NAV2: variants seen among roughly 807,000 people sequenced by gnomAD.
The protein encoded by NAV2 is neuron navigator 2.
A neutral mutation model predicts 223.2 loss-of-function variants in NAV2; 54 were observed. The observed-to-expected ratio is 0.24, with a 90% CI of 0.19 to 0.30. NAV2 has a LOEUF of 0.30. NAV2 is among the 10% of genes least tolerant of loss of function. The pLI, the probability that NAV2 is intolerant of heterozygous loss-of-function variation, is 1.00. For missense variants in NAV2, 2,806 were observed against 3,147.5 expected (o/e 0.89, Z 2.60); for synonymous variants, 1,279 against 1,239.3 (o/e 1.03, Z -0.67).
chr11:19,870,392 C>T (rs1227836279), intron 4 of NAV2, among the ~76,000 whole-genome samples: 2 of 152,122 alleles, frequency 1.3e-5, no homozygotes, highest in East Asian at 3.9e-4. Context: ...TGCTTGAACT[C>T]CTGGGACAGG....
intron 11 of NAV2, chr11:20,027,546 G>C: frequency 1.2e-6 from 1 of 839,806 alleles, no homozygotes; most frequent in Non-Finnish European, 1.4e-6. Context: ...AGGGGCGGGG[G>C]CTGGCCCAGA....
intron 1 of NAV2, among the ~76,000 whole-genome samples, chr11:19,570,011 A>G (rs1040481470): frequency 2.0e-5 from 3 of 152,202 alleles, no homozygotes; most frequent in African/African-American, 7.2e-5. Context: ...TACTCCTTGT[A>G]GCTATCAGGG....
intron 10 of NAV2, among the ~76,000 whole-genome samples, chr11:19,965,776 T>C (rs1461158752): frequency 6.6e-6 from 1 of 152,256 alleles, no homozygotes; most frequent in African/African-American, 2.4e-5. Flanking sequence ...CATTTCATTA[T>C]GTTCATGGGG....
At chr11:19,507,239 T>C (rs1182518745) in intron 1 of NAV2, 1 of 152,232 alleles carries the variant, frequency 6.6e-6, no homozygotes, top group African/African-American at 2.4e-5. Flanking sequence ...ATAAAGTTGC[T>C]GTTGACATGG....
At chr11:19,780,199 G>C (rs1312734879) in intron 1 of NAV2, among the ~76,000 whole-genome samples, 1 of 152,202 alleles carries the variant, frequency 6.6e-6, no homozygotes, top group East Asian at 1.9e-4. Context: ...GCAGTAGCTG[G>C]TAGATCCTAC....
rs548066572 is a variant in NAV2, at chr11:19,868,365, T to C, written c.439-560T>C. Among the ~76,000 whole-genome samples the C allele has an allele frequency of 2.8e-4, 42 of 152,304 alleles. 1 individual carries two copies. In the South Asian group the frequency reaches 8.7e-3, roughly 32 times the overall value. On this transcript the variant is annotated intron_variant, in intron 3 of 37. Coordinates refer to ENST00000349880, the MANE Select transcript of NAV2 (RefSeq NM_145117.5). ...TGTCAGCCCTGGCAAACCTGGCAGA[T>C]CTCACAGACTCTCGTGGGTCCTTTC...
At position 19,842,927 on chromosome 11, in the gene NAV2, A is replaced by G; in HGVS notation, c.438+4A>G. ...TCCGAAGAACAGATCCCAAATGGTA[A>G]GTGGTGCATAGGTAGTAAATGTTTG... On this transcript the variant is annotated splice_donor_region_variant and intron_variant, in intron 3 of 37. Transcript: ENST00000349880. 6.2e-7 allele frequency: 1 copy of G among 1,613,360 alleles called. No individual in the cohort carries two copies.
chr11:19,477,237 C>T (rs1449593923), intron 1 of NAV2, among the ~76,000 whole-genome samples: 1 of 152,118 alleles, frequency 6.6e-6, no homozygotes, highest in African/African-American at 2.4e-5. Context: ...CCTATAAAAC[C>T]TGTCATATTT....
chr11:19,822,939 T>C (rs2059453455), intron 1 of NAV2, among the ~76,000 whole-genome samples: 1 of 152,202 alleles, frequency 6.6e-6, no homozygotes, highest in Non-Finnish European at 1.5e-5. Flanking sequence ...CCTTCCCTGC[T>C]GTACCCTGGG....
In NAV2 at chr11:19,933,963, C is replaced by T. The variant is rs144061647; in HGVS notation, c.1719C>T (p.Pro573=). 17 of 1,596,612 alleles carry T rather than the reference C, an allele frequency of 1.1e-5. No homozygotes were observed. In the East Asian group the frequency reaches 1.1e-4, roughly 10 times the overall value. The change falls in exon 7 of 38, where the codon CCC becomes CCT. Residue 573 remains proline (P), a synonymous_variant. Coordinates refer to ENST00000349880, the MANE Select transcript of NAV2 (RefSeq NM_145117.5). This position sits in a 1 kb window ranked among gnomAD's most constrained non-coding sequence, Gnocchi z 4.3. ...GIPKPGMKSM[P]GKSPSAPAPS... ...CAAAACCAGGAATGAAAAGCATGCC[C>T]GGGAAATCCCCAAGTGCCCCAGCGC...
At chr11:19,453,851 C>T (rs540269177) in intron 1 of NAV2, among the ~76,000 whole-genome samples, 2 of 152,308 alleles carry the variant, frequency 1.3e-5, no homozygotes, top group South Asian at 4.1e-4. Context: ...GGAAAGAGGC[C>T]ATCCAGAGCC....
chr11:19,776,677 G>GT, intron 1 of NAV2, among the ~76,000 whole-genome samples: 1 of 46,808 alleles, frequency 2.1e-5, no homozygotes, highest in African/African-American at 5.4e-5. Flanking sequence ...TGTGTGTGTG[G>GT]TTAGAGTTGT....
rs949921674 is a variant in NAV2 at position 19,912,974 on chromosome 11, T to C, written c.932-20202T>C. Among the ~76,000 whole-genome samples, 17 of 152,226 alleles carry C rather than the reference T, an allele frequency of 1.1e-4. No individual in the cohort carries two copies. In the South Asian group the frequency reaches 1.9e-3, roughly 17 times the overall value. On this transcript the variant is annotated intron_variant, in intron 6 of 37. Transcript: ENST00000349880. ...TCCTAATAAACTGATATCCTTCAGG[T>C]TTATTTGGTTTAACTCCTGCTCTGG...
chr11:19,863,655 G>C (rs1265928628), intron 3 of NAV2, among the ~76,000 whole-genome samples: 3 of 152,134 alleles, frequency 2.0e-5, no homozygotes, highest in Non-Finnish European at 4.4e-5. Flanking sequence ...CCTTGGCCGT[G>C]CTGCACCCAT....
chr11:19,628,006 G>C (rs911141800), intron 1 of NAV2, among the ~76,000 whole-genome samples: 1 of 151,986 alleles, frequency 6.6e-6, no homozygotes, highest in Non-Finnish European at 1.5e-5. Flanking sequence ...ATATATTCAT[G>C]TGAAATGCTC....
In NAV2 at chr11:19,494,577, T is replaced by C. The variant is rs377558533; in HGVS notation, c.75+143550T>C. On this transcript the variant is annotated intron_variant, in intron 1 of 37. Transcript: ENST00000360655. ...AGGGGTGAAACCTATATGTGTGTGGTGCAAAACTTGTGATCTAAATGTAGA... is the reference window on the plus strand; with the variant it reads ...AGGGGTGAAACCTATATGTGTGTGGCGCAAAACTTGTGATCTAAATGTAGA... Among the ~76,000 whole-genome samples, 13 of 152,304 alleles carry C rather than the reference T, an allele frequency of 8.5e-5. No homozygotes were observed. The East Asian group carries it at 2.5e-3, about 29-fold the overall frequency.
At chr11:19,928,402 C>T (rs898383407) in intron 6 of NAV2, among the ~76,000 whole-genome samples, 1 of 152,178 alleles carries the variant, frequency 6.6e-6, no homozygotes, top group Non-Finnish European at 1.5e-5. Flanking sequence ...ACTTCAGTGG[C>T]CCACATATCA....
At chr11:20,089,004 C>T (rs534460209) in intron 26 of NAV2, among the ~76,000 whole-genome samples, 2 of 147,986 alleles carry the variant, frequency 1.4e-5, no homozygotes, top group Admixed American at 6.7e-5. Context: ...CCTCCCAAAC[C>T]GAAGAAAAAA....
At chr11:19,540,495 G>T (rs1334723896) in intron 1 of NAV2, among the ~76,000 whole-genome samples, 2 of 152,170 alleles carry the variant, frequency 1.3e-5, no homozygotes, top group Non-Finnish European at 2.9e-5. Flanking sequence ...CCCATTAAAT[G>T]CAGCAAAATG....
Sources: allele counts gnomAD v4.1 joint callset (sites outside exome capture counted in the v4.1 genomes callset), GRCh38; gene constraint gnomAD v4.1.1; non-coding constraint Gnocchi (gnomAD v3.1); transcripts MANE v1.5; gene names NCBI Gene and HGNC (gene_info 2026-07-23, HGNC 2026-07-21).